SETBP1: variants seen among roughly 807,000 people sequenced by gnomAD.
The protein encoded by SETBP1 is SET binding protein 1.
In SETBP1, 9 loss-of-function variants were observed where a neutral mutation model predicts 101.0. The ratio of observed to expected loss-of-function variants is 0.09; its 90% CI spans 0.05 to 0.16. The LOEUF (loss-of-function observed/expected upper bound fraction) is 0.16. SETBP1 is among the 10% of genes least tolerant of loss of function. SETBP1 has a pLI of 1.00. For synonymous variants in SETBP1, 818 were observed against 788.5 expected (o/e 1.04, Z -0.63); for missense variants, 1,858 against 2,033.8 (o/e 0.91, Z 1.66).
Position 44,828,665 on chromosome 18 carries a change from G to T in SETBP1, c.487-40565G>T, listed in dbSNP as rs12968750. On this transcript the variant is annotated intron_variant, in intron 2 of 5. Coordinates refer to ENST00000649279, the MANE Select transcript of SETBP1 (RefSeq NM_015559.3). ...TGCTTTGTATCTACAGGGCTGCTGT[G>T]GAGGAAATTGTGTTCCCTTCCACCC... is the stretch of plus-strand genomic sequence containing the variant. 9.0e-3 allele frequency among the ~76,000 whole-genome samples: 1,365 copies of T among 152,354 alleles called. 9 individuals carry two copies. Among genetic ancestry groups the T allele is most frequent in the Non-Finnish European group, 0.015 (1,014 of 68,036 alleles).
rs528043039 is a variant in SETBP1 at position 44,822,072 on chromosome 18, A to G, written c.487-47158A>G. On this transcript the variant is annotated intron_variant, in intron 2 of 5. Coordinates refer to ENST00000649279, the MANE Select transcript of SETBP1 (RefSeq NM_015559.3). ...TTCTTTGATTTCCTGCTAGTGTTCA[A>G]TCAGCATTTGTTGACTGAGTGACTC... 2.1e-4 allele frequency among the ~76,000 whole-genome samples: 32 copies of G among 152,366 alleles called. 1 individual carries two copies. The South Asian group carries it at 5.2e-3, about 25-fold the overall frequency.
chr18:44,700,030 A>G (rs1007116109), intron 1 of SETBP1, among the ~76,000 whole-genome samples: 1 of 152,184 alleles, frequency 6.6e-6, no homozygotes, highest in Non-Finnish European at 1.5e-5. Flanking sequence ...AGTGTTCAGC[A>G]GCTGAGAAAG....
intron 2 of SETBP1, among the ~76,000 whole-genome samples, chr18:44,703,784 T>G (rs1451443498): frequency 6.6e-6 from 1 of 152,204 alleles, no homozygotes; most frequent in African/African-American, 2.4e-5. Context: ...AACCAAAGGT[T>G]TAATCTCCAC....
chr18:44,997,430 G>A (rs2145316408), intron 4 of SETBP1, among the ~76,000 whole-genome samples: 1 of 152,224 alleles, frequency 6.6e-6, no homozygotes, highest in Admixed American at 6.5e-5. Flanking sequence ...GTGTTATGCT[G>A]AGTATTCCTG....
In SETBP1 at chr18:45,030,496, G is replaced by T. The variant is rs1386805918; in HGVS notation, c.4001-7989G>T. On this transcript the variant is annotated intron_variant, in intron 4 of 5. Transcript: ENST00000649279. Reference sequence around the variant, plus strand: ...TCTTTTTTGGTTGTGTCTCTGCCAGGCTTTGGTATCAGGATGATGCTGGCC... The same window carrying T: ...TCTTTTTTGGTTGTGTCTCTGCCAGTCTTTGGTATCAGGATGATGCTGGCC... Among the ~76,000 whole-genome samples the T allele has an allele frequency of 5.0e-5, 7 of 138,922 alleles. No individual in the cohort carries two copies. In the East Asian group the frequency reaches 1.2e-3, roughly 24 times the overall value. The allele number at this position is 138,922 out of a possible 152,430, so 91.1% of individuals were successfully genotyped here.
intron 4 of SETBP1, among the ~76,000 whole-genome samples, chr18:44,999,219 G>T (rs1381832491): frequency 6.6e-6 from 1 of 152,052 alleles, no homozygotes; most frequent in African/African-American, 2.4e-5. Flanking sequence ...CCCTAGTCAG[G>T]TTATTAGTTA....
chr18:45,063,478 C>T lies in SETBP1; in HGVS notation c.4571C>T (p.Pro1524Leu), dbSNP rs1396612087. The T allele has an allele frequency of 2.8e-6, 4 of 1,444,220 alleles. No individual in the cohort carries two copies. Among genetic ancestry groups the T allele is most frequent in the African/African-American group, 2.9e-5 (2 of 68,366 alleles). The allele number at this position is 1,444,220 out of a possible 1,614,324, so 89.5% of individuals were successfully genotyped here. Reference protein sequence around the residue: ...HMAREAPPLPPPPPPPLPPPP... With the variant: ...HMAREAPPLPLPPPPPLPPPP... The stretch of plus-strand genomic sequence containing the variant: ...GCCCGGGAGGCGCCGCCCCTGCCCC[C>T]GCCACCGCCGCCGCCCCTGCCGCCA... The change falls in exon 6 of 6, where the codon CCG becomes CTG. Residue 1524 changes from proline to leucine, a missense_variant. Physicochemically the swap from Pro to Leu is moderately conservative, Grantham distance 98. This residue lies in a region of SETBP1 where 178 missense variants were observed against 189.1 expected (regional missense o/e 0.94). Coordinates refer to ENST00000649279, the MANE Select transcript of SETBP1 (RefSeq NM_015559.3).
chr18:44,837,100 T>TCATAAC (rs747049474), intron 2 of SETBP1, among the ~76,000 whole-genome samples: 4 of 152,182 alleles, frequency 2.6e-5, no homozygotes, highest in Admixed American at 6.5e-5. Context: ...TTTGACATCT[T>TCATAAC]CATAACCAGC....
chr18:44,926,583 A>G (rs963043783), intron 3 of SETBP1, among the ~76,000 whole-genome samples: 2 of 152,178 alleles, frequency 1.3e-5, no homozygotes, highest in East Asian at 3.9e-4. Context: ...TGCCTATCCC[A>G]AAACATGGTT....
chr18:44,805,757 G>A (rs78456178), intron 2 of SETBP1, among the ~76,000 whole-genome samples: 4,532 of 152,154 alleles, frequency 0.03, 221 homozygotes, highest in African/African-American at 0.1. Context: ...TGAGCTCAGC[G>A]CTGAGCTTGT....
intron 2 of SETBP1, among the ~76,000 whole-genome samples, chr18:44,863,907 A>G (rs919343505): frequency 1.3e-5 from 2 of 152,148 alleles, no homozygotes; most frequent in South Asian, 2.1e-4. Context: ...GTCCAGCTGC[A>G]TAAGATCCTT....
chr18:44,704,840 A>G (rs762627598), intron 2 of SETBP1, among the ~76,000 whole-genome samples: 7 of 152,220 alleles, frequency 4.6e-5, no homozygotes, highest in Non-Finnish European at 7.3e-5. Context: ...ACCAGCATCT[A>G]ATCCTGAAAT....
At chr18:44,943,959 C>G (rs751668033) in intron 3 of SETBP1, among the ~76,000 whole-genome samples, 1 of 151,862 alleles carries the variant, frequency 6.6e-6, no homozygotes, top group Non-Finnish European at 1.5e-5. Flanking sequence ...CTCAGCCTCC[C>G]GAGTAGCTGG....
At chr18:44,719,140 A>C (rs2069529353) in intron 2 of SETBP1, among the ~76,000 whole-genome samples, 2 of 152,192 alleles carry the variant, frequency 1.3e-5, no homozygotes, top group South Asian at 4.1e-4. Flanking sequence ...GAAACCTGAA[A>C]AATCATGCAT....
chr18:44,863,662 T>C (rs897908130), intron 2 of SETBP1, among the ~76,000 whole-genome samples: 1 of 152,104 alleles, frequency 6.6e-6, no homozygotes, highest in African/African-American at 2.4e-5. Context: ...AGAGGTGAAG[T>C]AGGAGGCTTA....
At chr18:44,810,965 G>C (rs1253971400) in intron 2 of SETBP1, among the ~76,000 whole-genome samples, 3 of 152,186 alleles carry the variant, frequency 2.0e-5, no homozygotes, top group Non-Finnish European at 4.4e-5. Context: ...AGATTCTGAA[G>C]GGGGCTCATG....
intron 4 of SETBP1, among the ~76,000 whole-genome samples, chr18:44,974,141 T>C (rs2071932850): frequency 6.6e-6 from 1 of 152,224 alleles, no homozygotes; most frequent in South Asian, 2.1e-4. Flanking sequence ...GATCACATTG[T>C]TATGAAAGTT....
chr18:44,823,639 G>A (rs1022403051), intron 2 of SETBP1, among the ~76,000 whole-genome samples: 14 of 152,222 alleles, frequency 9.2e-5, no homozygotes, highest in African/African-American at 4.8e-5. Context: ...AAACCTCGAT[G>A]CAGAGCAGAC....
Position 44,985,037 on chromosome 18 carries a change from A to G in SETBP1, c.4000+31697A>G, listed in dbSNP as rs576957083. On this transcript the variant is annotated intron_variant, in intron 4 of 5. Transcript: ENST00000649279. ...GCGCCTATAATCCCAGCTACTCGGGAGGCTGAAGCAGGAGAATCACTTGAA... is the reference window on the plus strand; with the variant it reads ...GCGCCTATAATCCCAGCTACTCGGGGGGCTGAAGCAGGAGAATCACTTGAA... Among the ~76,000 whole-genome samples, 6 of 152,220 alleles carry G rather than the reference A, an allele frequency of 3.9e-5. No homozygotes were observed. In the South Asian group the frequency reaches 1.2e-3, roughly 32 times the overall value.
Sources: gnomAD v4.1 joint callset for allele counts (sites outside exome capture counted in the v4.1 genomes callset) on GRCh38, gnomAD v4.1.1 for gene constraint, gnomAD v4.1.1 regional missense constraint, MANE v1.5 for transcripts, NCBI Gene and HGNC (gene_info 2026-07-23, HGNC 2026-07-21) for gene names.